TSPAN4: variants seen among roughly 807,000 people sequenced by gnomAD.
The protein encoded by TSPAN4 is tetraspanin-4.
In TSPAN4, 38 loss-of-function variants were observed where a neutral mutation model predicts 31.5. That is an observed-to-expected ratio of 1.21 (90% CI 0.93 to 1.58). The LOEUF is 1.58. Ranked by LOEUF, TSPAN4 falls within the 40% of genes most tolerant of loss-of-function variation. The probability of loss-of-function intolerance (pLI) is 0.00; values close to 1 mark genes in which losing one functional copy is unlikely to be tolerated. For missense variants in TSPAN4, 330 were observed against 317.3 expected (o/e 1.04, Z -0.30); for synonymous variants, 186 against 144.6 (o/e 1.29, Z -2.06).
chr11:860,474 C>T (rs528824932), intron 3 of TSPAN4, among the ~76,000 whole-genome samples: 22 of 152,302 alleles, frequency 1.4e-4, no homozygotes, highest in Non-Finnish European at 3.1e-4. Context: ...AGCGTGCACA[C>T]GAGGAGGGGG....
chr11:847,495 G>A (rs1847382552), intron 2 of TSPAN4, among the ~76,000 whole-genome samples, 195 bp downstream of exon 2: 1 of 152,062 alleles, frequency 6.6e-6, no homozygotes, highest in African/African-American at 2.4e-5. Context: ...GGGTGTTGAA[G>A]GACCCTCCCC....
rs116232472 is a variant in TSPAN4, at chr11:854,700, C to G, written c.63+4333C>G. Among the ~76,000 whole-genome samples the G allele has an allele frequency of 2.1e-3, 309 of 150,362 alleles. 5 individuals are homozygous for G. Among genetic ancestry groups the G allele is most frequent in the African/African-American group, 7.3e-3 (298 of 40,812 alleles). On this transcript the variant is annotated intron_variant, in intron 3 of 8. Coordinates refer to ENST00000397397, the MANE Select transcript of TSPAN4 (RefSeq NM_003271.5). ...AAAGTCCTGGCTGCGCTTGAGGCCT[C>G]TGCTCTAAGATCAGCAGTGAGCCTG...
chr11:863,428 C>A (rs774780109), intron 4 of TSPAN4: 1 of 152,402 alleles, frequency 6.6e-6, no homozygotes, highest in East Asian at 1.9e-4. Flanking sequence ...TGGGTTGGGG[C>A]CTCCCTTAGG....
At chr11:854,668 C>T (rs1008776441) in intron 3 of TSPAN4, among the ~76,000 whole-genome samples, 3 of 152,220 alleles carry the variant, frequency 2.0e-5, no homozygotes, top group African/African-American at 7.2e-5. Context: ...CTCTGTTGTT[C>T]CAAAGGAAAG....
At chr11:846,871 C>T (rs575162129) in intron 1 of TSPAN4, among the ~76,000 whole-genome samples, 5 of 152,160 alleles carry the variant, frequency 3.3e-5, no homozygotes, top group African/African-American at 9.7e-5. Flanking sequence ...TCTGCATGTC[C>T]GTGCTGTGAG....
At chr11:862,324 TG>T in intron 3 of TSPAN4, 1 of 550,312 alleles carries the variant, frequency 1.8e-6, no homozygotes, top group Non-Finnish European at 3.2e-6. Flanking sequence ...ACTGTGGCCA[TG>T]GAGTGTGGGT....
intron 3 of TSPAN4, among the ~76,000 whole-genome samples, chr11:851,093 C>T (rs968311762): frequency 6.6e-6 from 1 of 152,306 alleles, no homozygotes; most frequent in South Asian, 2.1e-4. Context: ...AGGTAGAGGG[C>T]GGACAGGGTT....
At position 848,940 on chromosome 11, in the gene TSPAN4, C is replaced by G. The variant is rs934638969; in HGVS notation, c.-17-1348C>G. On this transcript the variant is annotated intron_variant, in intron 2 of 8. Transcript: ENST00000397397. The surrounding 1 kb of genome is among the most constrained non-coding windows in gnomAD (Gnocchi z 5.7). ...ACATCTGCGCACGGGGCCGGTATGT[C>G]TGTACCTGTCAAGGGGTGGGGTGGG... 3 of 708,282 alleles carry G rather than the reference C, an allele frequency of 4.2e-6. No individual in the cohort carries two copies. In the Admixed American group the frequency reaches 6.2e-5, roughly 15 times the overall value. 43.9% of individuals were successfully genotyped at this position (708,282 alleles called of 1,614,324 possible).
chr11:851,894 C>T (rs1015875783), intron 3 of TSPAN4, among the ~76,000 whole-genome samples: 1 of 152,116 alleles, frequency 6.6e-6, no homozygotes, highest in African/African-American at 2.4e-5. Flanking sequence ...GTGGCCTGGA[C>T]ACCTGCCTTC....
At chr11:845,454 T>C (rs1847264364) in intron 1 of TSPAN4, among the ~76,000 whole-genome samples, 1 of 152,062 alleles carries the variant, frequency 6.6e-6, no homozygotes, top group Non-Finnish European at 1.5e-5. Flanking sequence ...GGGCCGAGAC[T>C]GAACTGACCC....
At chr11:861,150 C>T (rs537429661) in intron 3 of TSPAN4, among the ~76,000 whole-genome samples, 3 of 152,318 alleles carry the variant, frequency 2.0e-5, no homozygotes, top group African/African-American at 4.8e-5. Flanking sequence ...AGCACCCCCT[C>T]GTCTCCCCCT....
intron 3 of TSPAN4, among the ~76,000 whole-genome samples, chr11:853,438 AC>A (rs1847868824): frequency 6.6e-6 from 1 of 151,952 alleles, no homozygotes; most frequent in Admixed American, 6.6e-5. Flanking sequence ...CTGGGGGCCT[AC>A]CTGGGAGGGG....
At chr11:847,611 A>AC (rs1171373234) in intron 2 of TSPAN4, among the ~76,000 whole-genome samples, 880 of 76,560 alleles carry the variant, frequency 0.011, 5 homozygotes, top group Middle Eastern at 0.037. Flanking sequence ...CCCCGCCCCC[A>AC]CCCCCCCCCA....
chr11:864,377 G>C, intron 4 of TSPAN4, 60 bp from the exon 5 acceptor site: 1 of 1,589,882 alleles, frequency 6.3e-7, no homozygotes, highest in Non-Finnish European at 8.6e-7. Flanking sequence ...CCCCTGGCAT[G>C]CTGTGGGGCG....
At chr11:852,109 G>A (rs973294966) in intron 3 of TSPAN4, among the ~76,000 whole-genome samples, 5 of 152,104 alleles carry the variant, frequency 3.3e-5, no homozygotes, top group Non-Finnish European at 7.4e-5. Context: ...ATTCTGGGCT[G>A]GAAAATGCAA....
intron 3 of TSPAN4, among the ~76,000 whole-genome samples, chr11:860,554 G>C (rs1452674607): frequency 1.3e-5 from 2 of 152,204 alleles, no homozygotes; most frequent in Non-Finnish European, 2.9e-5. Context: ...GCCCTGCCAG[G>C]GTGGAGGCCC....
chr11:850,604 C>T (rs1847627412), intron 3 of TSPAN4, among the ~76,000 whole-genome samples: 1 of 151,216 alleles, frequency 6.6e-6, no homozygotes, highest in African/African-American at 2.4e-5. Flanking sequence ...GCCCCACGCC[C>T]TGGTCCCCTC....
At chr11:854,595 G>A (rs967813724) in intron 3 of TSPAN4, among the ~76,000 whole-genome samples, 1 of 152,202 alleles carries the variant, frequency 6.6e-6, no homozygotes, top group Non-Finnish European at 1.5e-5. Context: ...GGCTGTCCTG[G>A]CTCTGCGCTG....
At chr11:864,743 G>A (rs568755296) in intron 5 of TSPAN4, 6 of 598,844 alleles carry the variant, frequency 1.0e-5, no homozygotes, top group East Asian at 2.8e-5. Context: ...CCCACCCGGA[G>A]GGTGCGCCCC....
Sources: allele counts gnomAD v4.1 joint callset (sites outside exome capture counted in the v4.1 genomes callset), GRCh38; gene constraint gnomAD v4.1.1; non-coding constraint Gnocchi (gnomAD v3.1); transcripts MANE v1.5; gene names NCBI Gene and HGNC (gene_info 2026-07-23, HGNC 2026-07-21).